SBDS: variants seen among roughly 807,000 people sequenced by gnomAD.
SBDS encodes the protein SBDS ribosome maturation factor, also known as ribosome maturation protein SBDS.
A neutral mutation model predicts 26.4 loss-of-function variants in SBDS; 20 were observed. That is an observed-to-expected ratio of 0.76 (90% CI 0.53 to 1.10). SBDS has a LOEUF of 1.10. SBDS is among the 50% of genes least tolerant of loss of function. The pLI, the probability that SBDS is intolerant of heterozygous loss-of-function variation, is 0.00. For missense variants in SBDS, 241 were observed against 302.0 expected (o/e 0.80, Z 1.50); for synonymous variants, 95 against 105.1 (o/e 0.90, Z 0.59).
intron 1 of SBDS, 26 bp from the exon 2 acceptor site, chr7:66,994,367 T>C (rs559881794): frequency 2.5e-6 from 4 of 1,608,368 alleles, no homozygotes; most frequent in African/African-American, 1.3e-5. Context: ...GAGAAAGTCC[T>C]ATGTGAATAT....
rs1554341516 is a variant in SBDS at position 66,994,339 on chromosome 7, T to C, written c.131A>G (p.Glu44Gly). ...CTGCAGAACTTCATCGAGGTCTTTTTCCCTTGTGAGGGCAGGAGAGAAAGT... is the reference window on the plus strand; with the variant it reads ...CTGCAGAACTTCATCGAGGTCTTTTCCCCTTGTGAGGGCAGGAGAGAAAGT... ...NKVVGWRSGV[E>G]KDLDEVLQTH... is the part of the protein sequence containing the mutation. The change falls in exon 2 of 5, where the codon GAA (glutamate) becomes GGA (glycine). Residue 44 changes from glutamate (E) to glycine (G), a missense_variant and splice_region_variant. Physicochemically the swap from Glu to Gly is moderately conservative, Grantham distance 98. Transcript: ENST00000246868. 5.0e-6 allele frequency: 8 copies of C among 1,613,870 alleles called. No homozygotes were observed. The highest frequency in any genetic ancestry group is 6.8e-6 in the Non-Finnish European group (8 of 1,179,838).
rs781670006 is a variant in SBDS at position 66,988,513 on chromosome 7, C to T, written c.625-14G>A. On this transcript the variant is annotated splice_polypyrimidine_tract_variant and intron_variant, in intron 4 of 4. Coordinates refer to ENST00000246868, the MANE Select transcript of SBDS (RefSeq NM_016038.4). ...AATCAGACATACCTGAAACATTTAA[C>T]GTAGCAGATTACCACATGAGGATGA... 2.8e-5 allele frequency: 45 copies of T among 1,612,578 alleles called. No homozygotes were observed. The highest frequency in any genetic ancestry group is 3.3e-5 in the Admixed American group (2 of 59,980).
chr7:66,994,062 C>A, intron 2 of SBDS, 150 bp downstream of exon 2: 4 of 703,918 alleles, frequency 5.7e-6, no homozygotes, highest in East Asian at 3.0e-5. Flanking sequence ...ACAAAACCAC[C>A]AAGTTCTTTA....
In SBDS at chr7:66,992,329, G is replaced by A. The variant is rs562174705; in HGVS notation, c.459+888C>T. The stretch of plus-strand genomic sequence containing the variant: ...GGGAGGGGCCTGTGGGGGGAAAATG[G>A]GGGATGGCTACTAATGGATACTGAC... On this transcript the variant is annotated intron_variant, in intron 3 of 4. Coordinates refer to ENST00000246868, the MANE Select transcript of SBDS (RefSeq NM_016038.4). 3.4e-3 allele frequency among the ~76,000 whole-genome samples: 515 copies of A among 152,180 alleles called. 3 individuals are homozygous for A. The highest frequency in any genetic ancestry group is 5.5e-3 in the Non-Finnish European group (371 of 68,016).
At chr7:66,994,499 C>T (rs769624061) in intron 1 of SBDS, 158 bp from the exon 2 acceptor site, 10 of 700,000 alleles carry the variant, frequency 1.4e-5, no homozygotes, top group African/African-American at 3.6e-5. Context: ...TCTTACCCCC[C>T]AACCCCCGCC....
Position 66,988,487 on chromosome 7 carries a change from C to G in SBDS, c.637G>C (p.Asp213His). The change falls in exon 5 of 5, where the codon GAC (aspartate) becomes CAC (histidine). Residue 213 changes from aspartate (D) to histidine (H), a missense_variant. Transcript: ENST00000246868. ...TCAATTTCTCGGAAGCAGCCCGGGT[C>G]AATCAGACATACCTGAAACATTTAA... ...GQQLEIVCLI[D>H]PGCFREIDEL... 1 of 1,613,664 alleles carries G rather than the reference C, an allele frequency of 6.2e-7. No individual in the cohort carries two copies. Among genetic ancestry groups the G allele is most frequent in the Non-Finnish European group, 8.5e-7 (1 of 1,180,000 alleles).
rs1792905912 is a variant in SBDS at position 66,988,125 on chromosome 7, C to G, written c.*246G>C. ...AGGCATGAGACAGAGTAGCAAAATG[C>G]CACTCTGGACTTTGCATCTTGGAGT... On this transcript the variant is annotated 3_prime_UTR_variant, in exon 5 of 5. Coordinates refer to ENST00000246868, the MANE Select transcript of SBDS (RefSeq NM_016038.4). 4 of 479,530 alleles carry G rather than the reference C, an allele frequency of 8.3e-6. No homozygotes were observed. In the South Asian group the frequency reaches 8.4e-5, roughly 10 times the overall value. The allele number at this position is 479,530 out of a possible 1,614,324, so 29.7% of individuals were successfully genotyped here.
chr7:66,992,881 C>G (rs1793003950), intron 3 of SBDS, among the ~76,000 whole-genome samples: 1 of 151,850 alleles, frequency 6.6e-6, no homozygotes, highest in African/African-American at 2.4e-5. Context: ...GTGGCACGTG[C>G]CTATAATCCC....
Position 66,991,210 on chromosome 7 carries a change from T to A in SBDS, c.551A>T (p.Lys184Met). The A allele has an allele frequency of 6.2e-7, 1 of 1,614,112 alleles. No homozygotes were observed. Among genetic ancestry groups the A allele is most frequent in the Non-Finnish European group, 8.5e-7 (1 of 1,179,976 alleles). Residue 184 changes from lysine to methionine, a missense_variant, in exon 4 of 5, where the codon AAG becomes ATG. By Grantham distance (95) the Lys-to-Met change is moderately conservative. Coordinates refer to ENST00000246868, the MANE Select transcript of SBDS (RefSeq NM_016038.4). ...LRFILPVNEG[K>M]KLKEKLKPLI... Reference sequence around the variant, plus strand: ...TGGCTTGAGCTTTTCTTTCAGCTTCTTGCCTTCATTGACTGGAAGGATGAA... The same window carrying A: ...TGGCTTGAGCTTTTCTTTCAGCTTCATGCCTTCATTGACTGGAAGGATGAA...
At chr7:66,992,063 A>G (rs763811843) in intron 3 of SBDS, among the ~76,000 whole-genome samples, 6 of 152,264 alleles carry the variant, frequency 3.9e-5, no homozygotes, top group Non-Finnish European at 8.8e-5. Context: ...AAGAAATTTT[A>G]TAGCAGCATT....
At chr7:66,991,939 CTG>C (rs1792984525) in intron 3 of SBDS, among the ~76,000 whole-genome samples, 1 of 152,152 alleles carries the variant, frequency 6.6e-6, no homozygotes, top group East Asian at 1.9e-4. Flanking sequence ...TGTGGAGAAA[CTG>C]AACTCTTAAA....
At chr7:66,994,384 A>C in intron 1 of SBDS, 43 bp from the exon 2 acceptor site, 1 of 1,578,244 alleles carries the variant, frequency 6.3e-7, no homozygotes, top group Non-Finnish European at 8.7e-7. Context: ...ATATACTTGA[A>C]ACTTGGACAT....
At chr7:66,992,667 A>C (rs1792999158) in intron 3 of SBDS, among the ~76,000 whole-genome samples, 1 of 151,848 alleles carries the variant, frequency 6.6e-6, no homozygotes, top group Non-Finnish European at 1.5e-5. Context: ...ACCTCTACCC[A>C]CTTGCTTCCA....
chr7:66,991,864 C>T (rs1025347508), intron 3 of SBDS, among the ~76,000 whole-genome samples: 4 of 152,034 alleles, frequency 2.6e-5, no homozygotes, highest in Non-Finnish European at 5.9e-5. Flanking sequence ...AAATCAAAAC[C>T]ACGACAAGAT....
intron 1 of SBDS, 53 bp from the exon 2 acceptor site, chr7:66,994,394 T>A: frequency 6.6e-7 from 1 of 1,507,928 alleles, no homozygotes. Flanking sequence ...AACTTGGACA[T>A]GCATTTACAT....
chr7:66,994,273 G>T lies in SBDS; in HGVS notation c.197C>A (p.Ala66Asp). 2 of 1,613,914 alleles carry T rather than the reference G, an allele frequency of 1.2e-6. No homozygotes were observed. Among genetic ancestry groups the T allele is most frequent in the Non-Finnish European group, 8.5e-7 (1 of 1,179,902 alleles). ...CGCACTGATGAGATCTTCCTTTTTGGCAACCTGACCTTTAGAAACATTTAC... is the reference window on the plus strand; with the variant it reads ...CGCACTGATGAGATCTTCCTTTTTGTCAACCTGACCTTTAGAAACATTTAC... ...VFVNVSKGQV[A>D]KKEDLISAFG... Residue 66 changes from alanine (A) to aspartate (D), a missense_variant, in exon 2 of 5, where the codon GCC becomes GAC. Ala to Asp is a moderately radical substitution (Grantham distance 126, BLOSUM62 -2). Transcript: ENST00000246868.
In SBDS at chr7:66,995,374, A is replaced by G. The variant is rs553080928; in HGVS notation, c.44T>C (p.Val15Ala). Residue 15 changes from valine (V) to alanine (A), a missense_variant, in exon 1 of 5, where the codon GTG (valine) becomes GCG (alanine). By Grantham distance (64) the Val-to-Ala change is moderately conservative (BLOSUM62 0). Transcript: ENST00000246868. ...GGCACGCTTCATCCGTACCACGGCC[A>G]CATTGGTTAGGCGGATCTGGTTGGT... ...TPTNQIRLTN[V>A]AVVRMKRAGK... The G allele has an allele frequency of 6.2e-7, 1 of 1,614,132 alleles. No individual in the cohort carries two copies. The highest frequency in any genetic ancestry group is 2.2e-5 in the East Asian group (1 of 44,886).
rs1482048940 is a variant in SBDS at position 66,988,514 on chromosome 7, G to A, written c.625-15C>T. On this transcript the variant is annotated splice_polypyrimidine_tract_variant and intron_variant, in intron 4 of 4. Coordinates refer to ENST00000246868, the MANE Select transcript of SBDS (RefSeq NM_016038.4). ...ATCAGACATACCTGAAACATTTAAC[G>A]TAGCAGATTACCACATGAGGATGAG... The A allele has an allele frequency of 1.7e-5, 27 of 1,612,320 alleles. No individual in the cohort carries two copies. The highest frequency in any genetic ancestry group is 2.2e-5 in the East Asian group (1 of 44,882).
At chr7:66,993,878 C>A (rs1377126380) in intron 2 of SBDS, among the ~76,000 whole-genome samples, 3 of 151,186 alleles carry the variant, frequency 2.0e-5, no homozygotes, top group Non-Finnish European at 2.9e-5. Context: ...GACTCTGTCC[C>A]CCCACCCAAA....
Sources: allele counts gnomAD v4.1 joint callset (sites outside exome capture counted in the v4.1 genomes callset), GRCh38; gene constraint gnomAD v4.1.1; transcripts MANE v1.5; gene names NCBI Gene and HGNC (gene_info 2026-07-23, HGNC 2026-07-21).